CDK14: variants seen among roughly 807,000 people sequenced by gnomAD.
CDK14 encodes the protein cyclin dependent kinase 14.
A neutral mutation model predicts 60.7 loss-of-function variants in CDK14; 34 were observed. That is an observed-to-expected ratio of 0.56 (90% confidence interval 0.43 to 0.75). The LOEUF is 0.75. Ranked by LOEUF, CDK14 falls within the 30% of genes least tolerant of loss-of-function variation. The pLI is 0.00. For synonymous variants in CDK14, 197 were observed against 203.7 expected (o/e 0.97, Z 0.28); for missense variants, 482 against 564.1 (o/e 0.85, Z 1.47).
intron 2 of CDK14, among the ~76,000 whole-genome samples, chr7:90,692,088 T>C (rs1423124430): frequency 1.3e-5 from 2 of 152,196 alleles, no homozygotes; most frequent in Admixed American, 1.3e-4. Context: ...AAATGAAATA[T>C]GGTGTGCTCC....
chr7:90,666,105 C>A (rs1048476343), intron 2 of CDK14, among the ~76,000 whole-genome samples: 2 of 152,172 alleles, frequency 1.3e-5, no homozygotes, highest in Non-Finnish European at 2.9e-5. Flanking sequence ...ACTTCCATTG[C>A]CCAGTAATAG....
At chr7:91,058,383 T>C (rs1797656979) in intron 11 of CDK14, among the ~76,000 whole-genome samples, 2 of 152,198 alleles carry the variant, frequency 1.3e-5, no homozygotes, top group Admixed American at 6.5e-5. Flanking sequence ...CTTTTCCTAA[T>C]TGAATACCCT....
intron 5 of CDK14, among the ~76,000 whole-genome samples, chr7:90,828,939 A>G (rs1045710892): frequency 8.5e-5 from 13 of 152,170 alleles, no homozygotes; most frequent in African/African-American, 2.7e-4. Flanking sequence ...TTATAAACAA[A>G]GGAAGTTTGA....
intron 12 of CDK14, among the ~76,000 whole-genome samples, chr7:91,108,854 A>T (rs956757180): frequency 6.6e-5 from 10 of 152,210 alleles, no homozygotes; most frequent in Admixed American, 6.5e-4. Context: ...AGACCAAAAA[A>T]GTCTTAAAGT....
chr7:91,049,093 G>C (rs953828915), intron 11 of CDK14, among the ~76,000 whole-genome samples: 2 of 151,910 alleles, frequency 1.3e-5, no homozygotes, highest in Admixed American at 1.3e-4. Flanking sequence ...ATGTTGCCAG[G>C]GATGGTCTCG....
At position 90,773,903 on chromosome 7, in the gene CDK14, C is replaced by CTT. The variant is rs66713333; in HGVS notation, c.465-16653_465-16652dup. Among the ~76,000 whole-genome samples the CTT allele has an allele frequency of 6.9e-3, 558 of 80,390 alleles. 35 individuals are homozygous for CTT. Among genetic ancestry groups the CTT allele is most frequent in the Middle Eastern group, 0.023 (3 of 132 alleles). 52.7% of individuals were successfully genotyped at this position (80,390 alleles called of 152,430 possible). On this transcript the variant is annotated intron_variant, in intron 4 of 14. Coordinates refer to ENST00000380050, the MANE Select transcript of CDK14 (RefSeq NM_001287135.2). Reference sequence around the variant, plus strand: ...TCTCCTCTCCTCTCCTCTTTTCTTTCTTTTTTTTTTTTTTTTTTGAGATGG... The same window carrying CTT: ...TCTCCTCTCCTCTCCTCTTTTCTTTCTTTTTTTTTTTTTTTTTTTTGAGATGG...
chr7:90,659,163 G>A (rs1452381849), intron 2 of CDK14, among the ~76,000 whole-genome samples: 3 of 152,130 alleles, frequency 2.0e-5, no homozygotes, highest in African/African-American at 7.2e-5. Context: ...CCTATACGTT[G>A]GTTGGTCATT....
chr7:90,923,148 A>G (rs1307328576), intron 8 of CDK14, among the ~76,000 whole-genome samples: 1 of 134,252 alleles, frequency 7.4e-6, no homozygotes, highest in African/African-American at 2.9e-5. Context: ...TTGCTCTGTC[A>G]CCCAGGCTGG....
In CDK14 at chr7:90,694,254, A is replaced by G. The variant is rs528547141; in HGVS notation, c.124-32313A>G. Among the ~76,000 whole-genome samples the G allele has an allele frequency of 5.3e-5, 8 of 152,344 alleles. No homozygotes were observed. In the East Asian group the frequency reaches 7.7e-4, roughly 15 times the overall value. On this transcript the variant is annotated intron_variant, in intron 2 of 14. Transcript: ENST00000380050. ...TCTCTAAGGTTAAGAGGAAAAAGTAATGATTACATTATAAATACTAAGGAA... is the reference window on the plus strand; with the variant it reads ...TCTCTAAGGTTAAGAGGAAAAAGTAGTGATTACATTATAAATACTAAGGAA...
At chr7:90,712,706 G>C (rs1802110219) in intron 2 of CDK14, among the ~76,000 whole-genome samples, 1 of 152,024 alleles carries the variant, frequency 6.6e-6, no homozygotes, top group African/African-American at 2.4e-5. Flanking sequence ...TTATAATTGA[G>C]ATGCTAAGAT....
intron 10 of CDK14, among the ~76,000 whole-genome samples, chr7:91,005,068 T>C (rs907317417): frequency 6.6e-6 from 1 of 152,192 alleles, no homozygotes; most frequent in African/African-American, 2.4e-5. Flanking sequence ...CTGGGCCAGA[T>C]CTGGCCCATA....
At chr7:90,985,333 A>C (rs1456376749) in intron 10 of CDK14, among the ~76,000 whole-genome samples, 2 of 152,056 alleles carry the variant, frequency 1.3e-5, no homozygotes, top group East Asian at 3.9e-4. Context: ...GGGTGAAATG[A>C]GGGATAATAA....
chr7:90,869,543 G>T (rs1307459064), intron 6 of CDK14, among the ~76,000 whole-genome samples: 1 of 152,210 alleles, frequency 6.6e-6, no homozygotes, highest in Non-Finnish European at 1.5e-5. Flanking sequence ...GTTGAGCAGA[G>T]AAATTATTTG....
intron 5 of CDK14, among the ~76,000 whole-genome samples, chr7:90,822,229 G>C (rs1789576436): frequency 6.6e-6 from 1 of 152,146 alleles, no homozygotes; most frequent in Non-Finnish European, 1.5e-5. Flanking sequence ...GATTATATTT[G>C]TATATGGCAC....
intron 2 of CDK14, among the ~76,000 whole-genome samples, chr7:90,686,653 A>T (rs956625409): frequency 3.3e-5 from 5 of 152,166 alleles, no homozygotes; most frequent in African/African-American, 1.2e-4. Flanking sequence ...AATGTTGTCA[A>T]CTAAATGAAT....
intron 11 of CDK14, among the ~76,000 whole-genome samples, chr7:91,073,365 A>G (rs1798209693): frequency 6.6e-6 from 1 of 152,234 alleles, no homozygotes; most frequent in African/African-American, 2.4e-5. Context: ...ACATTCTTAA[A>G]GAATTTTCAA....
At chr7:90,622,378 C>T (rs1799789786) in intron 2 of CDK14, among the ~76,000 whole-genome samples, 1 of 152,158 alleles carries the variant, frequency 6.6e-6, no homozygotes, top group Non-Finnish European at 1.5e-5. Context: ...TATGCATTAT[C>T]ATCTTGAGCT....
intron 8 of CDK14, among the ~76,000 whole-genome samples, chr7:90,940,334 G>C (rs1488975887): frequency 6.6e-6 from 1 of 151,982 alleles, no homozygotes; most frequent in Non-Finnish European, 1.5e-5. Context: ...ATTATAGTTG[G>C]TTCCATATTA....
intron 2 of CDK14, among the ~76,000 whole-genome samples, chr7:90,640,036 ACCAGG>A (rs1488339077): frequency 2.8e-4 from 43 of 152,016 alleles, no homozygotes; most frequent in African/African-American, 8.9e-4. Context: ...CCTTTCCTTG[ACCAGG>A]AAAGGGAACT....
Sources: gnomAD v4.1 joint callset for allele counts (sites outside exome capture counted in the v4.1 genomes callset) on GRCh38, gnomAD v4.1.1 for gene constraint, MANE v1.5 for transcripts, NCBI Gene and HGNC (gene_info 2026-07-23, HGNC 2026-07-21) for gene names.